The following PACS2 variants were observed in gnomAD, a reference collection of about 807,000 sequenced individuals.
PACS2 encodes phosphofurin acidic cluster sorting protein 2, also known as PACS1-like protein.
In PACS2, 36 loss-of-function variants were observed where a neutral mutation model predicts 113.0. The observed-to-expected ratio is 0.32, with a 90% confidence interval of 0.24 to 0.42. The LOEUF is 0.42. Ranked by LOEUF, PACS2 falls within the 10% of genes least tolerant of loss-of-function variation. The pLI, the probability that PACS2 is intolerant of heterozygous loss-of-function variation, is 1.00. For synonymous variants in PACS2, 589 were observed against 536.1 expected (o/e 1.10, Z -1.36); for missense variants, 1,015 against 1,239.5 (o/e 0.82, Z 2.72).
Position 105,348,399 on chromosome 14 carries a change from C to G in PACS2, c.120-94C>G. 1 of 946,540 alleles carries G rather than the reference C, an allele frequency of 1.1e-6. No homozygotes were observed. Among genetic ancestry groups the G allele is most frequent in the Admixed American group, 2.1e-5 (1 of 47,588 alleles). The allele number at this position is 946,540 out of a possible 1,614,324, so 58.6% of individuals were successfully genotyped here. On this transcript the variant is annotated intron_variant, in intron 1 of 24. Transcript: ENST00000447393. This position sits in a 1 kb window ranked among gnomAD's most constrained non-coding sequence, Gnocchi z 6.4. ...ACACCCCGCCCTGCACCCCAGGGTG[C>G]AGGCTCCCGGGGTGACACAGTGCTG...
At chr14:105,341,762 T>G (rs1555401634) in intron 1 of PACS2, among the ~76,000 whole-genome samples, 3 of 152,242 alleles carry the variant, frequency 2.0e-5, no homozygotes. Flanking sequence ...TGGAGCTTTT[T>G]ATTCTTCGTG....
Position 105,395,887 on chromosome 14 carries a change from G to GA in PACS2, c.*1216dup. 1 of 152,350 alleles carries GA rather than the reference G, an allele frequency of 6.6e-6. No individual in the cohort carries two copies. Among genetic ancestry groups the GA allele is most frequent in the Non-Finnish European group, 1.5e-5 (1 of 68,166 alleles). 9.4% of individuals were successfully genotyped at this position (152,350 alleles called of 1,614,324 possible). ...CTGCACTGTGGGGTCTCCATAGGAG[G>GA]AGCTGGGGAAGCTGGGGCCCTCCCA... On this transcript the variant is annotated 3_prime_UTR_variant, in exon 25 of 25. Coordinates refer to ENST00000447393, the MANE Select transcript of PACS2 (RefSeq NM_001100913.3).
At chr14:105,303,306 C>T (rs973584210) in intron 1 of PACS2, among the ~76,000 whole-genome samples, 13 of 152,086 alleles carry the variant, frequency 8.5e-5, no homozygotes, top group African/African-American at 1.2e-4. Flanking sequence ...TGCAGTGGTG[C>T]GATCTTGGCT....
intron 1 of PACS2, among the ~76,000 whole-genome samples, chr14:105,331,805 T>C (rs1000137640): frequency 1.3e-5 from 2 of 152,206 alleles, no homozygotes; most frequent in African/African-American, 4.8e-5. Flanking sequence ...CCAAGGATAG[T>C]TTTTGTTTTC....
rs895987503 is a variant in PACS2, at chr14:105,365,768, C to T, written c.424-1445C>T. Among the ~76,000 whole-genome samples the T allele has an allele frequency of 6.6e-6, 1 of 152,166 alleles. No individual in the cohort carries two copies. Among genetic ancestry groups the T allele is most frequent in the Non-Finnish European group, 1.5e-5 (1 of 68,032 alleles). On this transcript the variant is annotated intron_variant, in intron 4 of 24. Coordinates refer to ENST00000447393, the MANE Select transcript of PACS2 (RefSeq NM_001100913.3). This position sits in a 1 kb window ranked among gnomAD's most constrained non-coding sequence, Gnocchi z 5.1. The stretch of plus-strand genomic sequence containing the variant: ...GAGGGCTTCTGAGCTTCCAGGTTCT[C>T]ACCCCTGTGTGACACTGAGACCCTG...
chr14:105,354,916 C>A lies in PACS2; in HGVS notation c.298-136C>A. The A allele has an allele frequency of 1.3e-6, 1 of 764,726 alleles. No individual in the cohort carries two copies. Among genetic ancestry groups the A allele is most frequent in the Non-Finnish European group, 2.1e-6 (1 of 475,066 alleles). The allele number at this position is 764,726 out of a possible 1,614,324, so 47.4% of individuals were successfully genotyped here. ...CACTGGGATGAACTTGGGGGCCCGT[C>A]TGTGGGTGCCCTTCCGATCTCATGG... On this transcript the variant is annotated intron_variant, in intron 3 of 24. Transcript: ENST00000447393. This position sits in a 1 kb window ranked among gnomAD's most constrained non-coding sequence, Gnocchi z 4.2.
chr14:105,321,137 C>T (rs1211893380), intron 1 of PACS2, among the ~76,000 whole-genome samples: 1 of 151,998 alleles, frequency 6.6e-6, no homozygotes, highest in East Asian at 1.9e-4. Flanking sequence ...TTTTTTTGAA[C>T]CTGCTTTCTG....
At chr14:105,310,152 TC>T (rs2058309366), upstream of PACS2, among the ~76,000 whole-genome samples, 5 of 152,130 alleles carry the variant, frequency 3.3e-5, no homozygotes, top group South Asian at 1.0e-3. Flanking sequence ...CTTTTGTGAA[TC>T]TTTTGTAGCT....
rs1300727887 is a variant in PACS2, at chr14:105,376,513, C to G, written c.802-255C>G. On this transcript the variant is annotated intron_variant, in intron 8 of 24. Transcript: ENST00000447393. The surrounding 1 kb of genome is among the most constrained non-coding windows in gnomAD (Gnocchi z 4.7). ...CCTGCACCCAGGCCCTCCGTGCACC[C>G]TGGCAGCCCAGATGACTGCACCAGC... 6.6e-6 allele frequency among the ~76,000 whole-genome samples: 1 copy of G among 152,184 alleles called. No individual in the cohort carries two copies. The highest frequency in any genetic ancestry group is 1.5e-5 in the Non-Finnish European group (1 of 68,010).
At chr14:105,314,045 G>A (rs1178145435), upstream of PACS2, among the ~76,000 whole-genome samples, 2 of 152,286 alleles carry the variant, frequency 1.3e-5, no homozygotes, top group South Asian at 2.1e-4. Context: ...GACGCAAAGA[G>A]GGCGCCCGGG....
intron 16 of PACS2, chr14:105,383,974 A>G: frequency 3.3e-6 from 1 of 298,516 alleles, no homozygotes; most frequent in South Asian, 4.3e-5. Context: ...TTACCACGAA[A>G]CAAACCCACC....
At chr14:105,392,008 G>A in intron 22 of PACS2, 2 of 543,270 alleles carry the variant, frequency 3.7e-6, no homozygotes, top group East Asian at 3.3e-5. Flanking sequence ...CATGGGCGTT[G>A]TGCTGGGCTG....
intron 1 of PACS2, among the ~76,000 whole-genome samples, chr14:105,321,721 C>T (rs1045072834): frequency 6.9e-6 from 1 of 145,022 alleles, no homozygotes; most frequent in African/African-American, 2.9e-5. Flanking sequence ...AATTGTAATT[C>T]TAGGTATTTT....
intron 12 of PACS2, 26 bp from the exon 13 acceptor site, chr14:105,381,888 A>G: frequency 6.5e-7 from 1 of 1,543,438 alleles, no homozygotes; most frequent in Non-Finnish European, 8.8e-7. Context: ...TGCCACAGCC[A>G]CTTAGCCTGT....
intron 19 of PACS2, chr14:105,388,581 G>A (rs1934764331): frequency 6.6e-6 from 1 of 152,324 alleles, no homozygotes; most frequent in Non-Finnish European, 1.5e-5. Flanking sequence ...GGAGGGCCGG[G>A]GCCACTGTGC....
Position 105,344,600 on chromosome 14 carries a change from G to A in PACS2, c.120-3893G>A, listed in dbSNP as rs145639857. ...TATTTCCCAGTAGTCTGTAAGGTCT[G>A]TAGTGCTTTCCTTCTTTTACTTCTG... On this transcript the variant is annotated intron_variant, in intron 1 of 24. Coordinates refer to ENST00000447393, the MANE Select transcript of PACS2 (RefSeq NM_001100913.3). Among the ~76,000 whole-genome samples, 23 of 152,250 alleles carry A rather than the reference G, an allele frequency of 1.5e-4. No individual in the cohort carries two copies. In the East Asian group the frequency reaches 4.2e-3, roughly 28 times the overall value.
chr14:105,385,746 C>G, intron 19 of PACS2, 29 bp downstream of exon 19: 1 of 1,435,858 alleles, frequency 7.0e-7, no homozygotes, highest in Non-Finnish European at 9.3e-7. Flanking sequence ...GCCTCCCACC[C>G]TGTCTGTCCC....
chr14:105,387,452 C>T (rs782261401), intron 19 of PACS2, among the ~76,000 whole-genome samples: 24 of 152,224 alleles, frequency 1.6e-4, no homozygotes, highest in Non-Finnish European at 2.6e-4. Context: ...GAGTGGCCCC[C>T]AAGGCATCTG....
chr14:105,377,676 C>T (rs11847128), intron 9 of PACS2, among the ~76,000 whole-genome samples: 11,963 of 152,280 alleles, frequency 0.079, 1,600 homozygotes, highest in African/African-American at 0.27. Flanking sequence ...CCTGCAGCCA[C>T]GCAGCGGCCT....
Sources: allele counts gnomAD v4.1 joint callset (sites outside exome capture counted in the v4.1 genomes callset), GRCh38; gene constraint gnomAD v4.1.1; non-coding constraint Gnocchi (gnomAD v3.1); transcripts MANE v1.5; gene names NCBI Gene and HGNC (gene_info 2026-07-23, HGNC 2026-07-21).